ELMO1: variants seen among roughly 807,000 people sequenced by gnomAD.
The protein encoded by ELMO1 is engulfment and cell motility protein 1.
Under a neutral mutation model 98.9 loss-of-function variants are expected in ELMO1, and 26 were observed. That is an observed-to-expected ratio of 0.26 (90% CI 0.19 to 0.36). The LOEUF (loss-of-function observed/expected upper bound fraction) is 0.36, where lower values mean the gene tolerates loss of function less well. ELMO1 is among the 10% of genes least tolerant of loss of function. The pLI, the probability that ELMO1 is intolerant of heterozygous loss-of-function variation, is 1.00. For synonymous variants in ELMO1, 346 were observed against 346.0 expected (o/e 1.00, Z 0.00); for missense variants, 627 against 935.2 (o/e 0.67, Z 4.30).
At chr7:37,001,236 A>G (rs1011425026) in intron 16 of ELMO1, among the ~76,000 whole-genome samples, 1 of 152,172 alleles carries the variant, frequency 6.6e-6, no homozygotes, top group African/African-American at 2.4e-5. Flanking sequence ...AAAATTCTTT[A>G]TTGTGTGGAA....
chr7:37,003,830 A>T (rs1792856713), intron 16 of ELMO1, among the ~76,000 whole-genome samples: 2 of 152,102 alleles, frequency 1.3e-5, no homozygotes, highest in Admixed American at 1.3e-4. Context: ...GTCTTTGCAA[A>T]TAGCTTCTGA....
At chr7:37,371,503 T>A (rs187917333) in intron 1 of ELMO1, among the ~76,000 whole-genome samples, 5 of 152,310 alleles carry the variant, frequency 3.3e-5, no homozygotes, top group African/African-American at 1.2e-4. Flanking sequence ...GGAAAACTTA[T>A]GTGAAACACC....
chr7:36,997,138 G>C (rs1403210560), intron 16 of ELMO1, among the ~76,000 whole-genome samples: 1 of 151,762 alleles, frequency 6.6e-6, no homozygotes, highest in African/African-American at 2.4e-5. Context: ...TGGCGGGAAG[G>C]CAGGATACAG....
intron 8 of ELMO1, 63 bp downstream of exon 8, chr7:37,233,032 C>A: frequency 7.3e-7 from 1 of 1,364,376 alleles, no homozygotes; most frequent in Non-Finnish European, 1.0e-6. Flanking sequence ...ATCCTCAAAG[C>A]AGAGAAAAAT....
At chr7:37,079,808 A>G (rs1277925306) in intron 15 of ELMO1, among the ~76,000 whole-genome samples, 1 of 152,110 alleles carries the variant, frequency 6.6e-6, no homozygotes, top group Non-Finnish European at 1.5e-5. Context: ...CCCAGCCTCT[A>G]AATCTTGGGG....
At chr7:37,359,080 A>G (rs1288614318) in intron 1 of ELMO1, among the ~76,000 whole-genome samples, 2 of 152,242 alleles carry the variant, frequency 1.3e-5, no homozygotes, top group African/African-American at 4.8e-5. Flanking sequence ...TCCAAATAGA[A>G]GATGGACTCT....
intron 16 of ELMO1, among the ~76,000 whole-genome samples, chr7:36,928,244 CT>C (rs1317798195): frequency 6.6e-6 from 1 of 152,154 alleles, no homozygotes; most frequent in Non-Finnish European, 1.5e-5. Flanking sequence ...CTCCTGCCAC[CT>C]GTACTTCTAT....
At chr7:37,307,718 C>T (rs1798683507) in intron 4 of ELMO1, among the ~76,000 whole-genome samples, 1 of 152,194 alleles carries the variant, frequency 6.6e-6, no homozygotes, top group African/African-American at 2.4e-5. Flanking sequence ...AGATAGTAAG[C>T]TCTTCGAAGG....
At chr7:37,199,978 G>T (rs975282700) in intron 13 of ELMO1, among the ~76,000 whole-genome samples, 1 of 152,154 alleles carries the variant, frequency 6.6e-6, no homozygotes, top group Non-Finnish European at 1.5e-5. Context: ...GGTTCACTTG[G>T]TTCAATGACA....
intron 13 of ELMO1, among the ~76,000 whole-genome samples, chr7:37,136,583 C>G (rs1405925597): frequency 1.3e-5 from 2 of 152,128 alleles, no homozygotes. Flanking sequence ...CCTCCTTCAA[C>G]AAAACAATTA....
chr7:37,224,458 C>T (rs1793759836), intron 9 of ELMO1, among the ~76,000 whole-genome samples: 1 of 152,148 alleles, frequency 6.6e-6, no homozygotes, highest in African/African-American at 2.4e-5. Flanking sequence ...TTAAAAATTC[C>T]TAGTAAAAAT....
At chr7:36,979,087 G>A (rs1562873511) in intron 16 of ELMO1, among the ~76,000 whole-genome samples, 1 of 152,180 alleles carries the variant, frequency 6.6e-6, no homozygotes, top group Non-Finnish European at 1.5e-5. Context: ...GCTTGTAAGT[G>A]TAGTGCCTTT....
intron 7 of ELMO1, among the ~76,000 whole-genome samples, chr7:37,241,714 T>C (rs1411060177): frequency 6.6e-6 from 1 of 152,162 alleles, no homozygotes; most frequent in Non-Finnish European, 1.5e-5. Context: ...CATTAGTATA[T>C]TAATGTCTAC....
intron 15 of ELMO1, among the ~76,000 whole-genome samples, chr7:37,030,096 C>T (rs1794794999): frequency 6.6e-6 from 1 of 152,092 alleles, no homozygotes; most frequent in Non-Finnish European, 1.5e-5. Context: ...TTCTTGGCGG[C>T]CATCTTTCTC....
At chr7:36,858,024 A>G (rs1802340630) in intron 21 of ELMO1, among the ~76,000 whole-genome samples, 1 of 152,236 alleles carries the variant, frequency 6.6e-6, no homozygotes, top group South Asian at 2.1e-4. Flanking sequence ...TAACTGCAAC[A>G]TATTGAGACA....
At chr7:36,988,545 A>G (rs754937668) in intron 16 of ELMO1, among the ~76,000 whole-genome samples, 4 of 152,240 alleles carry the variant, frequency 2.6e-5, no homozygotes, top group Non-Finnish European at 5.9e-5. Context: ...TAACTGTGAT[A>G]TGGAGTATAA....
intron 16 of ELMO1, among the ~76,000 whole-genome samples, chr7:36,899,723 T>A (rs559376775): frequency 3.3e-5 from 4 of 121,086 alleles, no homozygotes; most frequent in Non-Finnish European, 6.9e-5. Flanking sequence ...CTAGGAGTAC[T>A]AATCATTTAG....
At chr7:37,075,796 T>A (rs73688842) in intron 15 of ELMO1, among the ~76,000 whole-genome samples, 5,777 of 152,266 alleles carry the variant, frequency 0.038, 332 homozygotes, top group African/African-American at 0.12. Context: ...TGGTGACAGA[T>A]GATGATCACC....
chr7:36,957,338 A>G (rs1306227049), intron 16 of ELMO1, among the ~76,000 whole-genome samples: 1 of 152,086 alleles, frequency 6.6e-6, no homozygotes, highest in Non-Finnish European at 1.5e-5. Flanking sequence ...CTGCTTCCAG[A>G]CCACCGCCCT....
Sources: allele counts gnomAD v4.1 joint callset (sites outside exome capture counted in the v4.1 genomes callset), GRCh38; gene constraint gnomAD v4.1.1; transcripts MANE v1.5; gene names NCBI Gene and HGNC (gene_info 2026-07-23, HGNC 2026-07-21).